The following CD38 variants were observed in gnomAD, a reference collection of about 807,000 sequenced individuals.
The protein encoded by CD38 is CD38 molecule.
CD38 carries 31 observed loss-of-function variants against 36.3 expected under a neutral mutation model. That is an observed-to-expected ratio of 0.85 (90% CI 0.64 to 1.15). CD38 has a LOEUF of 1.15. CD38 is among the 50% of genes most tolerant of loss of function. The pLI is 0.00. For missense variants in CD38, 380 were observed against 371.9 expected, an observed-to-expected ratio of 1.02 and a Z score of -0.18; for synonymous variants, 131 against 135.2, an observed-to-expected ratio of 0.97 and a Z score of 0.22.
In CD38 at chr4:15,822,806, C is replaced by T. The variant is rs1038516035; in HGVS notation, c.364-2075C>T. On this transcript the variant is annotated intron_variant, in intron 2 of 7. Transcript: ENST00000226279. ...GCTATTCCCATTAAACTACTATTGA[C>T]ATTCTTCATAGAATTAGAAGAAACT... is the stretch of plus-strand genomic sequence containing the variant. 1.3e-4 allele frequency among the ~76,000 whole-genome samples: 20 copies of T among 152,286 alleles called. No homozygotes were observed. In the South Asian group the frequency reaches 1.5e-3, roughly 11 times the overall value.
At chr4:15,814,798 GTTTTTTGTTTTTTGT>G (rs1213809557) in intron 1 of CD38, among the ~76,000 whole-genome samples, 1 of 145,692 alleles carries the variant, frequency 6.9e-6, no homozygotes, top group African/African-American at 2.6e-5. Flanking sequence ...TTTGTTTTTT[GTTTTTTGTTTTTTGT>G]TTTTTTTTTT....
At chr4:15,835,197 A>T (rs1440001941) in intron 4 of CD38, among the ~76,000 whole-genome samples, 1 of 151,814 alleles carries the variant, frequency 6.6e-6, no homozygotes, top group East Asian at 1.9e-4. Flanking sequence ...CTACTTTTCT[A>T]AGCCTATGGT....
intron 3 of CD38, among the ~76,000 whole-genome samples, chr4:15,829,040 G>A (rs1723909490): frequency 6.6e-6 from 1 of 152,018 alleles, no homozygotes; most frequent in East Asian, 1.9e-4. Context: ...ATGTCTCATT[G>A]TGGTTTTAAT....
At chr4:15,831,919 C>A (rs1225692682) in intron 3 of CD38, among the ~76,000 whole-genome samples, 1 of 152,150 alleles carries the variant, frequency 6.6e-6, no homozygotes, top group African/African-American at 2.4e-5. Flanking sequence ...ACCAATAACT[C>A]TTGGATTTGC....
At chr4:15,803,410 C>T (rs1237906024) in intron 1 of CD38, among the ~76,000 whole-genome samples, 1 of 152,088 alleles carries the variant, frequency 6.6e-6, no homozygotes, top group Non-Finnish European at 1.5e-5. Flanking sequence ...CTAGAATATA[C>T]AAGGAACTTA....
At chr4:15,800,952 A>G (rs895900165) in intron 1 of CD38, among the ~76,000 whole-genome samples, 3 of 152,106 alleles carry the variant, frequency 2.0e-5, no homozygotes, top group Non-Finnish European at 4.4e-5. Flanking sequence ...AATAATAAAG[A>G]TCAGAACAGA....
chr4:15,837,537 A>C (rs1431301619), intron 4 of CD38, among the ~76,000 whole-genome samples: 2 of 152,154 alleles, frequency 1.3e-5, no homozygotes, highest in Non-Finnish European at 2.9e-5. Flanking sequence ...TCCAAAGTCT[A>C]ACAAAGATTC....
At chr4:15,838,979 T>C (rs1724135187) in intron 5 of CD38, among the ~76,000 whole-genome samples, 1 of 152,204 alleles carries the variant, frequency 6.6e-6, no homozygotes, top group Non-Finnish European at 1.5e-5. Flanking sequence ...TTACAGTTTT[T>C]ACTATGTTGA....
intron 1 of CD38, among the ~76,000 whole-genome samples, chr4:15,802,975 C>T (rs370466345): frequency 1.3e-5 from 2 of 152,254 alleles, no homozygotes; most frequent in Non-Finnish European, 1.5e-5. Flanking sequence ...GAATAGAGAA[C>T]CCAGAAATAA....
Position 15,778,625 on chromosome 4 carries a change from A to C in CD38, c.211A>C (p.Thr71Pro). Residue 71 changes from threonine to proline, a missense_variant, in exon 1 of 8, where the codon ACT (threonine) becomes CCT (proline). By Grantham distance (38) the Thr-to-Pro change is conservative. Coordinates refer to ENST00000226279, the MANE Select transcript of CD38 (RefSeq NM_001775.4). The surrounding 1 kb of genome is among the most constrained non-coding windows in gnomAD (Gnocchi z 4.9). ...CGTCCTGGCGCGATGCGTCAAGTAC[A>C]CTGAAATTCATCCTGAGATGAGGTG... ...ETVLARCVKY[T>P]EIHPEMRHVD... The C allele has an allele frequency of 1.2e-6, 2 of 1,612,920 alleles. No individual in the cohort carries two copies. Among genetic ancestry groups the C allele is most frequent in the Non-Finnish European group, 1.7e-6 (2 of 1,179,272 alleles).
At chr4:15,780,824 T>C (rs563999320) in intron 1 of CD38, among the ~76,000 whole-genome samples, 1 of 152,136 alleles carries the variant, frequency 6.6e-6, no homozygotes, top group Non-Finnish European at 1.5e-5. Flanking sequence ...AAGAAGTGAG[T>C]TGGGCCAGGC....
Position 15,840,517 on chromosome 4 carries a change from T to C in CD38, c.818T>C (p.Phe273Ser). The part of the protein sequence containing the change: ...ESIISKRNIQ[F>S]SCKNIYRPDK... The stretch of plus-strand genomic sequence containing the variant: ...ATTATAAGCAAAAGGAATATTCAAT[T>C]TTCCTGCAAGAATATCTACAGGTAA... Residue 273 changes from phenylalanine to serine, a missense_variant, in exon 7 of 8, where the codon TTT becomes TCT. Coordinates refer to ENST00000226279, the MANE Select transcript of CD38 (RefSeq NM_001775.4). 1 of 1,592,184 alleles carries C rather than the reference T, an allele frequency of 6.3e-7. No homozygotes were observed. Among genetic ancestry groups the C allele is most frequent in the South Asian group, 1.1e-5 (1 of 90,340 alleles).
At chr4:15,800,489 T>C (rs1723195773) in intron 1 of CD38, among the ~76,000 whole-genome samples, 1 of 152,252 alleles carries the variant, frequency 6.6e-6, no homozygotes, top group African/African-American at 2.4e-5. Context: ...TTTTAAATTT[T>C]AGCCATCTAA....
At chr4:15,808,950 G>A (rs1006719131) in intron 1 of CD38, among the ~76,000 whole-genome samples, 4 of 152,190 alleles carry the variant, frequency 2.6e-5, no homozygotes, top group Non-Finnish European at 4.4e-5. Context: ...GAAGTGTCTA[G>A]GGGTATGTGG....
chr4:15,840,587 G>C, intron 7 of CD38, 49 bp downstream of exon 7: 1 of 1,132,256 alleles, frequency 8.8e-7, no homozygotes, highest in Non-Finnish European at 1.3e-6. Context: ...GTCACCTGTA[G>C]AATTTCCTTT....
chr4:15,785,563 A>G (rs1024712437), intron 1 of CD38, among the ~76,000 whole-genome samples: 6 of 151,214 alleles, frequency 4.0e-5, no homozygotes, highest in African/African-American at 1.5e-4. Flanking sequence ...CACAATAAAC[A>G]CTCATGGCTT....
chr4:15,848,936 C>A lies in CD38; in HGVS notation c.*334C>A, dbSNP rs16892463. The stretch of plus-strand genomic sequence containing the variant: ...TCTATTGAAAAATCACCACACCAAA[C>A]CTCTCTTATTAGAACAGGCAAGTGA... On this transcript the variant is annotated 3_prime_UTR_variant, in exon 8 of 8. Coordinates refer to ENST00000226279, the MANE Select transcript of CD38 (RefSeq NM_001775.4). 5.4e-6 allele frequency: 1 copy of A among 183,770 alleles called. No homozygotes were observed. The allele number at this position is 183,770 out of a possible 1,614,324, so 11.4% of individuals were successfully genotyped here.
chr4:15,818,544 T>A (rs1372796377), intron 2 of CD38, among the ~76,000 whole-genome samples: 3 of 152,204 alleles, frequency 2.0e-5, no homozygotes, highest in Non-Finnish European at 4.4e-5. Context: ...CTGACCCCTG[T>A]GTCTCCTGAC....
chr4:15,813,621 C>T (rs1723520546), intron 1 of CD38, among the ~76,000 whole-genome samples: 1 of 151,976 alleles, frequency 6.6e-6, no homozygotes, highest in African/African-American at 2.4e-5. Flanking sequence ...CCGACAGGCC[C>T]CGGTGTGTGT....
Sources: gnomAD v4.1 joint callset for allele counts (sites outside exome capture counted in the v4.1 genomes callset) on GRCh38, gnomAD v4.1.1 for gene constraint, Gnocchi (gnomAD v3.1) non-coding constraint, MANE v1.5 for transcripts, NCBI Gene and HGNC (gene_info 2026-07-23, HGNC 2026-07-21) for gene names.